SPTLC1: variants seen among roughly 807,000 people sequenced by gnomAD.
SPTLC1 encodes the protein serine palmitoyltransferase long chain base subunit 1.
SPTLC1 carries 55 observed loss-of-function variants against 68.9 expected under a neutral mutation model. The ratio of observed to expected loss-of-function variants is 0.80; its 90% confidence interval spans 0.64 to 1.00. SPTLC1 has a LOEUF of 1.00. SPTLC1 is among the 50% of genes least tolerant of loss of function. SPTLC1 has a pLI of 0.00. For missense variants in SPTLC1, 449 were observed against 573.1 expected (o/e 0.78, Z 2.21); for synonymous variants, 197 against 201.6 (o/e 0.98, Z 0.19).
intron 5 of SPTLC1, among the ~76,000 whole-genome samples, chr9:92,076,124 C>A (rs762656321): frequency 5.3e-5 from 8 of 152,194 alleles, no homozygotes; most frequent in Non-Finnish European, 7.3e-5. Context: ...TGGCAAAGGA[C>A]TGCATGTTAA....
intron 3 of SPTLC1, among the ~76,000 whole-genome samples, chr9:92,095,811 C>CTA (rs1465589926): frequency 6.6e-6 from 1 of 152,154 alleles, no homozygotes; most frequent in Non-Finnish European, 1.5e-5. Context: ...AAAGGCAAGC[C>CTA]TAGGCCAGCA....
In SPTLC1 at chr9:92,065,951, G is replaced by A. The variant is rs528149045; in HGVS notation, c.560+2015C>T. Among the ~76,000 whole-genome samples, 144 of 152,116 alleles carry A rather than the reference G, an allele frequency of 9.5e-4. 1 individual carries two copies. Among genetic ancestry groups the A allele is most frequent in the Non-Finnish European group, 1.6e-3 (109 of 68,030 alleles). ...TCTGTCGCTGCACAAGCGTTCCAAC[G>A]GTGAGTGGTAAGCAAGAGGCCAGTG... On this transcript the variant is annotated intron_variant, in intron 6 of 14. Coordinates refer to ENST00000262554, the MANE Select transcript of SPTLC1 (RefSeq NM_006415.4).
At chr9:92,038,573 A>G (rs3858086) in intron 12 of SPTLC1, 66,976 of 588,988 alleles carry the variant, frequency 0.11, 5,467 homozygotes, top group African/African-American at 0.33. Flanking sequence ...GTCTGCCTGC[A>G]ATGTGGCTTC....
chr9:92,038,779 A>G (rs1028626310), intron 12 of SPTLC1, among the ~76,000 whole-genome samples: 1 of 152,168 alleles, frequency 6.6e-6, no homozygotes, highest in Non-Finnish European at 1.5e-5. Context: ...GGCCTTCTTC[A>G]TCACCCACTT....
chr9:92,043,905 G>A (rs979862433), intron 12 of SPTLC1, among the ~76,000 whole-genome samples: 10 of 152,286 alleles, frequency 6.6e-5, no homozygotes, highest in South Asian at 2.1e-4. Flanking sequence ...CCCTGTGTGC[G>A]GATGGCCCAT....
At chr9:92,047,767 T>G in intron 9 of SPTLC1, 59 bp from the exon 10 acceptor site, 1 of 1,195,362 alleles carries the variant, frequency 8.4e-7, no homozygotes, top group Non-Finnish European at 1.2e-6. Context: ...AAGGCCAACT[T>G]CAAGCCTAGA....
chr9:92,051,143 A>C, intron 8 of SPTLC1: 1 of 984,934 alleles, frequency 1.0e-6, no homozygotes, highest in Non-Finnish European at 1.2e-6. Flanking sequence ...TTACAAAAAC[A>C]AAAAGAAGAA....
intron 6 of SPTLC1, among the ~76,000 whole-genome samples, chr9:92,062,546 AT>A (rs937325222): frequency 1.2e-4 from 18 of 152,296 alleles, no homozygotes; most frequent in African/African-American, 4.3e-4. Context: ...CAGAATACAC[AT>A]TTTTTAAGTG....
chr9:92,074,116 C>G (rs2118640238), intron 5 of SPTLC1, among the ~76,000 whole-genome samples: 1 of 152,254 alleles, frequency 6.6e-6, no homozygotes, highest in South Asian at 2.1e-4. Flanking sequence ...CGGAGGCCCC[C>G]TGGACCATCA....
chr9:92,050,287 T>C lies in SPTLC1; in HGVS notation c.781-220A>G, dbSNP rs79573324. ...GTGCATGTGCAGAGCAGTGAAGAATTTGAATTACCTGACACGTGTTTTCCC... is the reference window on the plus strand; with the variant it reads ...GTGCATGTGCAGAGCAGTGAAGAATCTGAATTACCTGACACGTGTTTTCCC... On this transcript the variant is annotated intron_variant, in intron 8 of 14. Coordinates refer to ENST00000262554, the MANE Select transcript of SPTLC1 (RefSeq NM_006415.4). The C allele has an allele frequency of 5.3e-3, 2,634 of 495,208 alleles. 56 individuals carry two copies. The highest frequency in any genetic ancestry group is 0.047 in the African/African-American group (2,431 of 51,640). The allele number at this position is 495,208 out of a possible 1,614,324, so 30.7% of individuals were successfully genotyped here.
intron 3 of SPTLC1, among the ~76,000 whole-genome samples, chr9:92,083,994 T>G (rs1387730442): frequency 6.6e-6 from 1 of 152,220 alleles, no homozygotes; most frequent in African/African-American, 2.4e-5. Context: ...TTTCATTCTC[T>G]TTGAAGGAAT....
chr9:92,050,269 T>C lies in SPTLC1; in HGVS notation c.781-202A>G, dbSNP rs538235669. On this transcript the variant is annotated intron_variant, in intron 8 of 14. Coordinates refer to ENST00000262554, the MANE Select transcript of SPTLC1 (RefSeq NM_006415.4). ...TCCTGTCATCACGGATATGTGCATGTGCAGAGCAGTGAAGAATTTGAATTA... is the reference window on the plus strand; with the variant it reads ...TCCTGTCATCACGGATATGTGCATGCGCAGAGCAGTGAAGAATTTGAATTA... 262 of 530,434 alleles carry C rather than the reference T, an allele frequency of 4.9e-4. 1 individual carries two copies. The highest frequency in any genetic ancestry group is 4.7e-3 in the African/African-American group (245 of 52,396). 32.9% of individuals were successfully genotyped at this position (530,434 alleles called of 1,614,324 possible).
Position 92,115,316 on chromosome 9 carries a change from C to T in SPTLC1, c.55G>A (p.Glu19Lys). 6.2e-7 allele frequency: 1 copy of T among 1,612,038 alleles called. No homozygotes were observed. The highest frequency in any genetic ancestry group is 8.5e-7 in the Non-Finnish European group (1 of 1,179,938). ...ACCGCTAATGGCGCGGAGCCCACCT[C>T]GTAAAGCGCCTGTACCATCTCCACC... ...VLVEMVQALY[E>K]APAYHLILEG... The change falls in exon 1 of 15, where the codon GAG (glutamate) becomes AAG (lysine). Residue 19 changes from glutamate to lysine, a missense_variant and splice_region_variant. Glu to Lys is a moderately conservative substitution (Grantham distance 56, BLOSUM62 1). Coordinates refer to ENST00000262554, the MANE Select transcript of SPTLC1 (RefSeq NM_006415.4).
chr9:92,058,992 C>T (rs1164014266), intron 7 of SPTLC1, among the ~76,000 whole-genome samples, 187 bp downstream of exon 7: 2 of 152,126 alleles, frequency 1.3e-5, no homozygotes, highest in East Asian at 1.9e-4. Flanking sequence ...TATGTAATTA[C>T]GGCAATGACA....
At chr9:92,093,235 A>C (rs1016278048) in intron 3 of SPTLC1, among the ~76,000 whole-genome samples, 3 of 152,234 alleles carry the variant, frequency 2.0e-5, no homozygotes, top group African/African-American at 7.2e-5. Context: ...ATAACATTTG[A>C]TGAAGTTCAA....
chr9:92,095,742 G>A lies in SPTLC1; in HGVS notation c.260+12998C>T, dbSNP rs867076495. The stretch of plus-strand genomic sequence containing the variant: ...AGAACAAGGAGAAAGGTGACAAAAT[G>A]TGGGAAACTGGAAAGCAAATGGATA... On this transcript the variant is annotated intron_variant, in intron 3 of 14. Transcript: ENST00000262554. Among the ~76,000 whole-genome samples the A allele has an allele frequency of 2.6e-5, 4 of 152,270 alleles. No homozygotes were observed. The South Asian group carries it at 8.3e-4, about 32-fold the overall frequency.
rs1390093225 is a variant in SPTLC1, at chr9:92,089,074, C to G, written c.261-8111G>C. On this transcript the variant is annotated intron_variant, in intron 3 of 14. Transcript: ENST00000262554. ...AGACGCTGGACACTAGAAAGTGCTCCCAAGAGCATAAACATAAGGAAAGGT... is the reference window on the plus strand; with the variant it reads ...AGACGCTGGACACTAGAAAGTGCTCGCAAGAGCATAAACATAAGGAAAGGT... Among the ~76,000 whole-genome samples the G allele has an allele frequency of 2.0e-5, 3 of 152,254 alleles. No homozygotes were observed. The East Asian group carries it at 5.8e-4, about 29-fold the overall frequency.
At chr9:92,066,796 T>A (rs562967867) in intron 6 of SPTLC1, among the ~76,000 whole-genome samples, 1 of 143,670 alleles carries the variant, frequency 7.0e-6, no homozygotes, top group African/African-American at 2.6e-5. Context: ...CTGGCCAACA[T>A]GGTGAAACCC....
chr9:92,036,653 A>G (rs1833150570), intron 13 of SPTLC1, among the ~76,000 whole-genome samples: 1 of 152,250 alleles, frequency 6.6e-6, no homozygotes, highest in Admixed American at 6.5e-5. Context: ...GGGCAAGTCC[A>G]TTGAAAAAAA....
Sources: gnomAD v4.1 joint callset for allele counts (sites outside exome capture counted in the v4.1 genomes callset) on GRCh38, gnomAD v4.1.1 for gene constraint, MANE v1.5 for transcripts, NCBI Gene and HGNC (gene_info 2026-07-23, HGNC 2026-07-21) for gene names.